PTTG1IP: variants seen among roughly 807,000 people sequenced by gnomAD.
The protein encoded by PTTG1IP is PTTG1 interacting protein.
In PTTG1IP, 16 loss-of-function variants were observed where a neutral mutation model predicts 24.4. The ratio of observed to expected loss-of-function variants is 0.66; its 90% CI spans 0.44 to 1.00. PTTG1IP has a LOEUF of 1.00. Ranked by LOEUF, PTTG1IP falls within the 50% of genes least tolerant of loss-of-function variation. The pLI is 0.00. For synonymous variants in PTTG1IP, 89 were observed against 96.8 expected, an observed-to-expected ratio of 0.92 and a Z score of 0.47; for missense variants, 241 against 245.8, an observed-to-expected ratio of 0.98 and a Z score of 0.13.
intron 1 of PTTG1IP, among the ~76,000 whole-genome samples, chr21:44,870,335 G>A (rs559797337): frequency 1.3e-5 from 2 of 152,286 alleles, no homozygotes; most frequent in East Asian, 3.9e-4. Flanking sequence ...GAGGTCAGGA[G>A]TTCGAGACCG....
In PTTG1IP at chr21:44,873,682, G is replaced by A; in HGVS notation, c.-66C>T. The A allele has an allele frequency of 6.2e-6, 8 of 1,288,096 alleles. No homozygotes were observed. The highest frequency in any genetic ancestry group is 3.2e-5 in the East Asian group (1 of 31,334). The allele number at this position is 1,288,096 out of a possible 1,614,324, so 79.8% of individuals were successfully genotyped here. A position where few individuals can be genotyped will look rare whatever the true frequency, so the allele number is the denominator to read the frequency against. On this transcript the variant is annotated 5_prime_UTR_variant, in exon 1 of 6. Coordinates refer to ENST00000330938, the MANE Select transcript of PTTG1IP (RefSeq NM_004339.4). ...TCCGACTCCAGCACAAGCGGTCTCC[G>A]CCCGGAACAGCCGCGGCGCCGGAAG...
intron 2 of PTTG1IP, among the ~76,000 whole-genome samples, chr21:44,863,865 C>G (rs1031939998): frequency 6.6e-6 from 1 of 152,246 alleles, no homozygotes; most frequent in Non-Finnish European, 1.5e-5. Flanking sequence ...GGGTGTGTCT[C>G]GAACCTACGC....
At position 44,856,270 on chromosome 21, in the gene PTTG1IP, C is replaced by T. The variant is rs778584630; in HGVS notation, c.372G>A (p.Lys124=). 1 of 1,614,226 alleles carries T rather than the reference C, an allele frequency of 6.2e-7. No individual in the cohort carries two copies. The highest frequency in any genetic ancestry group is 1.7e-5 in the Admixed American group (1 of 60,026). ...AICCCCCCRR[K]RSRKPDRSEE... ...CACTCCTGTCCGGCTTCCGGCTCCT[C>T]TTCCTCCTGCAGCAGCAGCAGCAGC... is the stretch of plus-strand genomic sequence containing the variant. Residue 124 remains lysine (K), a synonymous_variant, in exon 4 of 6, where the codon AAG becomes AAA. Transcript: ENST00000330938.
intron 1 of PTTG1IP, among the ~76,000 whole-genome samples, chr21:44,871,775 G>C (rs1026709151): frequency 9.9e-5 from 15 of 152,252 alleles, no homozygotes; most frequent in African/African-American, 3.6e-4. Flanking sequence ...AAGGCGCCTG[G>C]GCAGTGAATG....
At chr21:44,858,530 A>G (rs758949901) in intron 3 of PTTG1IP, among the ~76,000 whole-genome samples, 1 of 152,092 alleles carries the variant, frequency 6.6e-6, no homozygotes, top group Non-Finnish European at 1.5e-5. Flanking sequence ...CCTCAGAATT[A>G]ACCAAACAAG....
At chr21:44,853,592 C>G (rs1202001841) in intron 5 of PTTG1IP, among the ~76,000 whole-genome samples, 1 of 152,182 alleles carries the variant, frequency 6.6e-6, no homozygotes, top group Non-Finnish European at 1.5e-5. Context: ...CAGCCAAGGC[C>G]TGCAGAGATG....
intron 1 of PTTG1IP, among the ~76,000 whole-genome samples, chr21:44,869,579 G>GT (rs2083568191): frequency 6.6e-6 from 1 of 152,238 alleles, no homozygotes; most frequent in South Asian, 2.1e-4. Flanking sequence ...GATTACAGGT[G>GT]TGAGCAACTG....
chr21:44,858,697 T>C lies in PTTG1IP; in HGVS notation c.278-2333A>G, dbSNP rs528671285. On this transcript the variant is annotated intron_variant, in intron 3 of 5. Transcript: ENST00000330938. ...TGCAGGGCTGGGTGTTGTGTGTCCA[T>C]CCACTTCTGCAGCCTAGCGTGGGGA... 7.2e-5 allele frequency among the ~76,000 whole-genome samples: 11 copies of C among 152,322 alleles called. No individual in the cohort carries two copies. In the South Asian group the frequency reaches 2.1e-3, roughly 29 times the overall value.
chr21:44,867,541 A>T (rs624724), intron 1 of PTTG1IP, among the ~76,000 whole-genome samples: 102,386 of 152,106 alleles, frequency 0.67, 34,857 homozygotes, highest in African/African-American at 0.77. Flanking sequence ...TATTCCCGTA[A>T]GAAAAATGTA....
intron 3 of PTTG1IP, among the ~76,000 whole-genome samples, chr21:44,860,580 G>C (rs2083483273): frequency 1.3e-5 from 2 of 152,168 alleles, no homozygotes; most frequent in Admixed American, 1.3e-4. Context: ...ACTGAGCAGA[G>C]AAGTCAAACA....
intron 1 of PTTG1IP, among the ~76,000 whole-genome samples, chr21:44,871,184 C>T (rs2083581929): frequency 6.6e-6 from 1 of 152,258 alleles, no homozygotes; most frequent in Non-Finnish European, 1.5e-5. Flanking sequence ...TATGTATCAA[C>T]ACTGTGAACC....
chr21:44,851,575 A>G lies in PTTG1IP; in HGVS notation c.*6T>C. ...GGAAGCGTCGGGACTGATGTGCTGG[A>G]GCGCTTTAGTTGTTTTCAAATCTAG... On this transcript the variant is annotated 3_prime_UTR_variant, in exon 6 of 6. Coordinates refer to ENST00000330938, the MANE Select transcript of PTTG1IP (RefSeq NM_004339.4). 5 of 1,607,654 alleles carry G rather than the reference A, an allele frequency of 3.1e-6. No individual in the cohort carries two copies. The highest frequency in any genetic ancestry group is 4.3e-6 in the Non-Finnish European group (5 of 1,174,426).
intron 2 of PTTG1IP, among the ~76,000 whole-genome samples, chr21:44,863,152 G>GCA (rs1311320600): frequency 8.9e-6 from 1 of 112,064 alleles, no homozygotes; most frequent in African/African-American, 3.7e-5. Context: ...GGCCTCAGCA[G>GCA]CAGAGACACA....
In PTTG1IP at chr21:44,873,664, C is replaced by A. The variant is rs935098915; in HGVS notation, c.-48G>T. ...TCAGTGGAGCGTTACAACTCCGACT[C>A]CAGCACAAGCGGTCTCCGCCCGGAA... is the stretch of plus-strand genomic sequence containing the variant. On this transcript the variant is annotated 5_prime_UTR_variant, in exon 1 of 6. Transcript: ENST00000330938. The A allele has an allele frequency of 1.5e-6, 2 of 1,320,894 alleles. No individual in the cohort carries two copies. Among genetic ancestry groups the A allele is most frequent in the Non-Finnish European group, 1.9e-6 (2 of 1,031,226 alleles). The allele number at this position is 1,320,894 out of a possible 1,614,324, so 81.8% of individuals were successfully genotyped here. A position where few individuals can be genotyped will look rare whatever the true frequency, so the allele number is the denominator to read the frequency against.
rs1001123441 is a variant in PTTG1IP, at chr21:44,864,657, A to G, written c.168+738T>C. 7.9e-5 allele frequency among the ~76,000 whole-genome samples: 12 copies of G among 152,294 alleles called. No individual in the cohort carries two copies. The East Asian group carries it at 1.7e-3, about 22-fold the overall frequency. On this transcript the variant is annotated intron_variant, in intron 2 of 5. Transcript: ENST00000330938. ...CGTGATCCACCTGCCTCGGCCTCCC[A>G]AAGTGCTGGGATTACAGGCGTGAGC... is the stretch of plus-strand genomic sequence containing the variant.
chr21:44,865,329 G>C, intron 2 of PTTG1IP, 66 bp downstream of exon 2: 1 of 1,522,806 alleles, frequency 6.6e-7, no homozygotes. Context: ...CCTGGACCTA[G>C]AGAAAGCCCG....
intron 1 of PTTG1IP, chr21:44,865,835 T>C (rs1288437565): frequency 3.7e-6 from 1 of 268,718 alleles, no homozygotes; most frequent in Non-Finnish European, 7.2e-6. Context: ...AGGCACTCTT[T>C]TGGGAACCCA....
intron 3 of PTTG1IP, among the ~76,000 whole-genome samples, chr21:44,859,726 ACAC>A (rs1215257560): frequency 2.0e-5 from 3 of 152,126 alleles, no homozygotes; most frequent in Non-Finnish European, 2.9e-5. Flanking sequence ...AGGTGCACAC[ACAC>A]CACCACCACC....
Position 44,851,544 on chromosome 21 carries a change from C to T in PTTG1IP, c.*37G>A, listed in dbSNP as rs1408436962. On this transcript the variant is annotated 3_prime_UTR_variant, in exon 6 of 6. Transcript: ENST00000330938. The stretch of plus-strand genomic sequence containing the variant: ...CTGGGCTGGGCTGCGGAGCGTGCAC[C>T]TCACAGGAAGCGTCGGGACTGATGT... 1.2e-6 allele frequency: 2 copies of T among 1,613,594 alleles called. No individual in the cohort carries two copies. The highest frequency in any genetic ancestry group is 1.7e-6 in the Non-Finnish European group (2 of 1,179,508).
Sources: gnomAD v4.1 joint callset for allele counts (sites outside exome capture counted in the v4.1 genomes callset) on GRCh38, gnomAD v4.1.1 for gene constraint, MANE v1.5 for transcripts, NCBI Gene and HGNC (gene_info 2026-07-23, HGNC 2026-07-21) for gene names.